WDR25: variants seen among roughly 807,000 people sequenced by gnomAD.
The protein encoded by WDR25 is WD repeat-containing protein 25.
A neutral mutation model predicts 47.7 loss-of-function variants in WDR25; 35 were observed. The observed-to-expected ratio is 0.73, with a 90% CI of 0.56 to 0.97. The LOEUF (loss-of-function observed/expected upper bound fraction) is 0.97, where lower values mean the gene tolerates loss of function less well. Ranked by LOEUF, WDR25 falls within the 50% of genes least tolerant of loss-of-function variation. The pLI is 0.00. For synonymous variants in WDR25, 248 were observed against 278.9 expected, an observed-to-expected ratio of 0.89 and a Z score of 1.10; for missense variants, 634 against 704.7, an observed-to-expected ratio of 0.90 and a Z score of 1.14.
intron 2 of WDR25, among the ~76,000 whole-genome samples, chr14:100,419,998 G>C (rs995288126): frequency 2.0e-5 from 3 of 152,248 alleles, no homozygotes; most frequent in African/African-American, 7.2e-5. Flanking sequence ...CCTTGGGCTT[G>C]TGTGAGAGTG....
At chr14:100,470,798 A>G (rs147118726) in intron 3 of WDR25, among the ~76,000 whole-genome samples, 2,350 of 152,266 alleles carry the variant, frequency 0.015, 40 homozygotes, top group Middle Eastern at 0.034. Flanking sequence ...CCCAGGCCCA[A>G]TGTGCCCCTC....
intron 4 of WDR25, among the ~76,000 whole-genome samples, chr14:100,494,253 G>A (rs7149402): frequency 0.019 from 2,967 of 152,234 alleles, 100 homozygotes; most frequent in African/African-American, 0.067. Context: ...TTGTTACAGT[G>A]CTTTTGATCT....
At chr14:100,386,821 A>G (rs1897030561) in intron 2 of WDR25, among the ~76,000 whole-genome samples, 1 of 152,138 alleles carries the variant, frequency 6.6e-6, no homozygotes, top group African/African-American at 2.4e-5. Context: ...TGAACCCAGG[A>G]GGCGGAGCTT....
At chr14:100,463,848 C>A (rs7148571) in intron 2 of WDR25, among the ~76,000 whole-genome samples, 1 of 152,158 alleles carries the variant, frequency 6.6e-6, no homozygotes, top group Non-Finnish European at 1.5e-5. Context: ...CATATCCTAC[C>A]TCCAGTCCAG....
At chr14:100,435,844 TGTAA>T (rs990006227) in intron 2 of WDR25, among the ~76,000 whole-genome samples, 1 of 152,024 alleles carries the variant, frequency 6.6e-6, no homozygotes, top group Non-Finnish European at 1.5e-5. Flanking sequence ...AGGAGGGGCT[TGTAA>T]GTGAGGTTTG....
At chr14:100,393,626 C>A (rs946259801) in intron 2 of WDR25, among the ~76,000 whole-genome samples, 1 of 152,166 alleles carries the variant, frequency 6.6e-6, no homozygotes, top group African/African-American at 2.4e-5. Context: ...GAGGTCAGCA[C>A]ATGGTGAAGA....
chr14:100,390,397 G>GTT (rs1897115362), intron 2 of WDR25, among the ~76,000 whole-genome samples: 1 of 132,400 alleles, frequency 7.6e-6, no homozygotes, highest in Non-Finnish European at 1.7e-5. Flanking sequence ...AAAGCTGTGT[G>GTT]TGTGTGTGTG....
rs1167532111 is a variant in WDR25, at chr14:100,525,605, G to A, written c.1102-265G>A. The stretch of plus-strand genomic sequence containing the variant: ...TTTGCGCTTTCCCTGGGATCCTGCT[G>A]CTCTCAAGGGGTGATAGGGATGCCT... On this transcript the variant is annotated intron_variant, in intron 4 of 6. Coordinates refer to ENST00000402312, the MANE Select transcript of WDR25 (RefSeq NM_001161476.3). The surrounding 1 kb of genome is among the most constrained non-coding windows in gnomAD (Gnocchi z 4.6). Among the ~76,000 whole-genome samples, 1 of 152,190 alleles carries A rather than the reference G, an allele frequency of 6.6e-6. No individual in the cohort carries two copies. The highest frequency in any genetic ancestry group is 1.5e-5 in the Non-Finnish European group (1 of 68,028).
At chr14:100,383,387 G>A (rs182386904) in intron 2 of WDR25, among the ~76,000 whole-genome samples, 2 of 152,232 alleles carry the variant, frequency 1.3e-5, no homozygotes, top group African/African-American at 2.4e-5. Flanking sequence ...CCAAGTCTGC[G>A]CTGCAAGGGC....
At chr14:100,511,934 G>T (rs1298909853) in intron 4 of WDR25, among the ~76,000 whole-genome samples, 1 of 152,050 alleles carries the variant, frequency 6.6e-6, no homozygotes, top group Non-Finnish European at 1.5e-5. Context: ...GAACAGCCTT[G>T]CATTCCTGGG....
intron 4 of WDR25, among the ~76,000 whole-genome samples, chr14:100,497,010 A>G (rs536250937): frequency 5.3e-5 from 8 of 151,626 alleles, no homozygotes; most frequent in Non-Finnish European, 1.0e-4. Context: ...TAATTTTTGT[A>G]TTTAATAGAG....
At chr14:100,459,784 G>A (rs1010635497) in intron 2 of WDR25, among the ~76,000 whole-genome samples, 7 of 150,848 alleles carry the variant, frequency 4.6e-5, no homozygotes, top group African/African-American at 1.7e-4. Context: ...CTAGCTTCTG[G>A]AACTGTGAGA....
At chr14:100,455,778 C>T (rs1899183631) in intron 2 of WDR25, among the ~76,000 whole-genome samples, 1 of 152,152 alleles carries the variant, frequency 6.6e-6, no homozygotes, top group Non-Finnish European at 1.5e-5. Context: ...AAAATGGTAT[C>T]TTTAAAGTTC....
chr14:100,384,360 C>A (rs943689095), intron 2 of WDR25, among the ~76,000 whole-genome samples: 1 of 152,230 alleles, frequency 6.6e-6, no homozygotes. Flanking sequence ...CTTTGAACAA[C>A]TTTTCAGTGT....
In WDR25 at chr14:100,417,188, A is replaced by G. The variant is rs545405501; in HGVS notation, c.822+35442A>G. 5.1e-4 allele frequency among the ~76,000 whole-genome samples: 77 copies of G among 152,332 alleles called. 1 individual carries two copies. The highest frequency in any genetic ancestry group is 1.9e-3 in the African/African-American group (77 of 41,588). Reference sequence around the variant, plus strand: ...TTGCTGTGCTGTGTGTGGCATGGCCAGAGTCCTCCGCTCATCTCCTCACCA... The same window carrying G: ...TTGCTGTGCTGTGTGTGGCATGGCCGGAGTCCTCCGCTCATCTCCTCACCA... On this transcript the variant is annotated intron_variant, in intron 2 of 6. Coordinates refer to ENST00000402312, the MANE Select transcript of WDR25 (RefSeq NM_001161476.3).
At chr14:100,463,294 C>T (rs944888092) in intron 2 of WDR25, among the ~76,000 whole-genome samples, 1 of 152,178 alleles carries the variant, frequency 6.6e-6, no homozygotes, top group African/African-American at 2.4e-5. Context: ...TACCTATACA[C>T]CTGTCACTGA....
chr14:100,498,692 C>T lies in WDR25; in HGVS notation c.1101+14568C>T, dbSNP rs1184012745. 6.6e-6 allele frequency among the ~76,000 whole-genome samples: 1 copy of T among 152,182 alleles called. No individual in the cohort carries two copies. Among genetic ancestry groups the T allele is most frequent in the Non-Finnish European group, 1.5e-5 (1 of 68,040 alleles). On this transcript the variant is annotated intron_variant, in intron 4 of 6. Coordinates refer to ENST00000402312, the MANE Select transcript of WDR25 (RefSeq NM_001161476.3). The surrounding 1 kb of genome is among the most constrained non-coding windows in gnomAD (Gnocchi z 4.2). ...TCCCTGCGTCCTCCTCTTCCAGGGC[C>T]AACATGTGAGGTTGTGCAGTCTGTA...
chr14:100,419,290 G>A (rs923876355), intron 2 of WDR25, among the ~76,000 whole-genome samples: 3 of 151,212 alleles, frequency 2.0e-5, no homozygotes, highest in African/African-American at 7.3e-5. Flanking sequence ...CTGGGGCCTC[G>A]CTCCTTCCGC....
intron 3 of WDR25, among the ~76,000 whole-genome samples, chr14:100,472,688 G>A (rs995620130): frequency 6.6e-6 from 1 of 152,264 alleles, no homozygotes; most frequent in Non-Finnish European, 1.5e-5. Context: ...CCCTGCGTGG[G>A]TCTTGGGGGC....
Sources: gnomAD v4.1 joint callset for allele counts (sites outside exome capture counted in the v4.1 genomes callset) on GRCh38, gnomAD v4.1.1 for gene constraint, Gnocchi (gnomAD v3.1) non-coding constraint, MANE v1.5 for transcripts, NCBI Gene and HGNC (gene_info 2026-07-23, HGNC 2026-07-21) for gene names.